The following LRFN5 variants were observed in gnomAD, a reference collection of about 807,000 sequenced individuals.
The protein encoded by LRFN5 is leucine-rich repeat and fibronectin type-III domain-containing protein 5.
A neutral mutation model predicts 45.6 loss-of-function variants in LRFN5; 24 were observed. The observed-to-expected ratio is 0.53, with a 90% CI of 0.38 to 0.74. LRFN5 has a LOEUF of 0.74. Among genes scored for constraint, LRFN5 ranks in the 30% least tolerant of loss-of-function variants. LRFN5 has a pLI of 0.00. For missense variants in LRFN5, 776 were observed against 861.5 expected, an observed-to-expected ratio of 0.90 and a Z score of 1.24; for synonymous variants, 340 against 313.8, an observed-to-expected ratio of 1.08 and a Z score of -0.88.
intron 1 of LRFN5, among the ~76,000 whole-genome samples, chr14:41,679,485 C>T (rs926548406): frequency 1.3e-5 from 2 of 152,084 alleles, no homozygotes; most frequent in African/African-American, 4.8e-5. Context: ...TCTCAGATGA[C>T]ATTTCTAGAC....
At chr14:41,614,898 G>A (rs1887880259) in intron 1 of LRFN5, among the ~76,000 whole-genome samples, 1 of 151,926 alleles carries the variant, frequency 6.6e-6, no homozygotes, top group Non-Finnish European at 1.5e-5. Flanking sequence ...TATAAAGGAG[G>A]TAATAATCGT....
chr14:41,675,522 A>G (rs1035014578), intron 1 of LRFN5, among the ~76,000 whole-genome samples: 1 of 152,094 alleles, frequency 6.6e-6, no homozygotes, highest in Non-Finnish European at 1.5e-5. Context: ...AGAATCAGGC[A>G]GGGAGGTTGC....
chr14:41,677,370 CACACACACAT>C (rs1399773365), intron 1 of LRFN5, among the ~76,000 whole-genome samples: 3 of 152,102 alleles, frequency 2.0e-5, no homozygotes, highest in Admixed American at 6.5e-5. Context: ...ATCTAACACA[CACACACACAT>C]ACACACACAT....
intron 2 of LRFN5, among the ~76,000 whole-genome samples, chr14:41,810,308 T>G (rs184470251): frequency 6.6e-6 from 1 of 152,170 alleles, no homozygotes; most frequent in Non-Finnish European, 1.5e-5. Context: ...TTTTGTTAAT[T>G]TTCCTGGCCT....
chr14:41,759,200 G>A (rs541598766), intron 1 of LRFN5, among the ~76,000 whole-genome samples: 3 of 152,098 alleles, frequency 2.0e-5, no homozygotes, highest in African/African-American at 4.8e-5. Flanking sequence ...GGTGCTTCTC[G>A]TGCTTGTAGA....
At chr14:41,900,081 C>G (rs905560476) in intron 5 of LRFN5, among the ~76,000 whole-genome samples, 1 of 151,978 alleles carries the variant, frequency 6.6e-6, no homozygotes, top group Admixed American at 6.6e-5. Context: ...TTTGCCTCTC[C>G]TTCTCTTTCT....
chr14:41,901,250 A>G (rs1220838213), intron 5 of LRFN5, among the ~76,000 whole-genome samples: 1 of 152,134 alleles, frequency 6.6e-6, no homozygotes, highest in African/African-American at 2.4e-5. Context: ...ACACTTACCT[A>G]TAAATTTTCC....
chr14:41,806,761 C>T (rs10483522), intron 2 of LRFN5, among the ~76,000 whole-genome samples: 23,968 of 152,066 alleles, frequency 0.16, 1,980 homozygotes, highest in Admixed American at 0.18. Flanking sequence ...AGGAAGTACA[C>T]CTGCCTGCTT....
chr14:41,802,917 G>A (rs982073202), intron 2 of LRFN5, among the ~76,000 whole-genome samples: 3 of 152,120 alleles, frequency 2.0e-5, no homozygotes, highest in Non-Finnish European at 4.4e-5. Flanking sequence ...AAGACAAATT[G>A]TAAGACCTTT....
chr14:41,716,905 G>A (rs984872098), intron 1 of LRFN5, among the ~76,000 whole-genome samples: 1 of 152,098 alleles, frequency 6.6e-6, no homozygotes, highest in African/African-American at 2.4e-5. Flanking sequence ...TTTTCTTTCT[G>A]TCTTCTCTCC....
At chr14:41,897,590 A>G (rs1890981898) in intron 4 of LRFN5, among the ~76,000 whole-genome samples, 1 of 152,162 alleles carries the variant, frequency 6.6e-6, no homozygotes, top group Admixed American at 6.6e-5. Context: ...TTTAATTACT[A>G]TGAAAACATA....
intron 2 of LRFN5, among the ~76,000 whole-genome samples, chr14:41,785,314 T>G (rs572811340): frequency 1.2e-4 from 18 of 152,240 alleles, no homozygotes; most frequent in African/African-American, 4.3e-4. Context: ...TTTGTTCTAT[T>G]TGTCCCCTAT....
intron 4 of LRFN5, chr14:41,892,243 G>A (rs1394767584): frequency 1.0e-6 from 1 of 984,486 alleles, no homozygotes; most frequent in African/African-American, 1.8e-5. Context: ...ATAGAAGATT[G>A]GAATTTGCAA....
intron 4 of LRFN5, among the ~76,000 whole-genome samples, chr14:41,898,150 G>T (rs556396515): frequency 1.3e-5 from 2 of 151,844 alleles, no homozygotes; most frequent in African/African-American, 4.8e-5. Context: ...TCTCAATCTC[G>T]TGACACTCAC....
intron 1 of LRFN5, among the ~76,000 whole-genome samples, chr14:41,659,591 G>A (rs1881791785): frequency 6.6e-6 from 1 of 152,166 alleles, no homozygotes; most frequent in Admixed American, 6.5e-5. Flanking sequence ...TGGGTCAAAT[G>A]GTATTTCTGG....
At chr14:41,670,127 G>A (rs1392454017) in intron 1 of LRFN5, among the ~76,000 whole-genome samples, 2 of 102,402 alleles carry the variant, frequency 2.0e-5, no homozygotes, top group Non-Finnish European at 3.6e-5. Flanking sequence ...ATATATACAT[G>A]TATATATACA....
At chr14:41,781,616 G>GAAAGAGAA (rs1317274535) in intron 2 of LRFN5, among the ~76,000 whole-genome samples, 13 of 59,656 alleles carry the variant, frequency 2.2e-4, no homozygotes, top group African/African-American at 5.3e-4. Flanking sequence ...AAGAAAGAAA[G>GAAAGAGAA]AGAAAGAAAG....
intron 2 of LRFN5, among the ~76,000 whole-genome samples, chr14:41,800,202 T>C (rs1291127649): frequency 6.6e-6 from 1 of 152,104 alleles, no homozygotes; most frequent in Non-Finnish European, 1.5e-5. Flanking sequence ...TTTGCCTTCA[T>C]TTATCTTTAA....
intron 1 of LRFN5, among the ~76,000 whole-genome samples, chr14:41,682,976 G>T (rs1881967649): frequency 6.6e-6 from 1 of 152,044 alleles, no homozygotes; most frequent in African/African-American, 2.4e-5. Flanking sequence ...GTATTACCCT[G>T]ATACCAAAAC....
Sources: gnomAD v4.1 joint callset for allele counts (sites outside exome capture counted in the v4.1 genomes callset) on GRCh38, gnomAD v4.1.1 for gene constraint, MANE v1.5 for transcripts, NCBI Gene and HGNC (gene_info 2026-07-23, HGNC 2026-07-21) for gene names.